GPHN: variants seen among roughly 807,000 people sequenced by gnomAD.
GPHN encodes gephyrin.
In GPHN, 17 loss-of-function variants were observed where a neutral mutation model predicts 95.5. That is an observed-to-expected ratio of 0.18 (90% CI 0.12 to 0.27). The LOEUF (loss-of-function observed/expected upper bound fraction) is 0.27. Ranked by LOEUF, GPHN falls within the 10% of genes least tolerant of loss-of-function variation. The pLI is 1.00. For missense variants in GPHN, 660 were observed against 978.1 expected (o/e 0.67, Z 4.34); for synonymous variants, 320 against 322.5 (o/e 0.99, Z 0.08).
intron 1 of GPHN, among the ~76,000 whole-genome samples, chr14:66,671,245 G>T (rs546070121): frequency 6.6e-6 from 1 of 152,256 alleles, no homozygotes; most frequent in African/African-American, 2.4e-5. Flanking sequence ...TCGTGCCTTT[G>T]AGCGTGTCAT....
chr14:67,074,590 A>G (rs1034404579), intron 11 of GPHN, among the ~76,000 whole-genome samples: 1 of 152,158 alleles, frequency 6.6e-6, no homozygotes, highest in African/African-American at 2.4e-5. Context: ...AGGAAAAATT[A>G]CATGTCTCTC....
At chr14:66,883,843 A>G (rs2064047843) in intron 5 of GPHN, among the ~76,000 whole-genome samples, 1 of 152,004 alleles carries the variant, frequency 6.6e-6, no homozygotes, top group Non-Finnish European at 1.5e-5. Context: ...TCTTGTACTT[A>G]TTTTATACTG....
intron 2 of GPHN, among the ~76,000 whole-genome samples, chr14:66,739,218 CTTTT>C (rs540067795): frequency 7.4e-6 from 1 of 134,632 alleles, no homozygotes. Context: ...TTTCTTACAG[CTTTT>C]TTTTTTTTTT....
the GPHN span, chr14:67,411,925 G>A: frequency 4.6e-5 from 55 of 1,185,196 alleles, no homozygotes; most frequent in Non-Finnish European, 6.3e-5. Context: ...ACCAGAGCAT[G>A]CCCGTTCCGG....
chr14:66,649,979 C>T (rs530136547), intron 1 of GPHN, among the ~76,000 whole-genome samples: 1 of 152,038 alleles, frequency 6.6e-6, no homozygotes, highest in South Asian at 2.1e-4. Flanking sequence ...TTTTGGTAAA[C>T]CCACCAGCTA....
the GPHN span, among the ~76,000 whole-genome samples, chr14:67,669,690 T>C: frequency 3.3e-5 from 5 of 152,204 alleles, no homozygotes; most frequent in African/African-American, 7.2e-5. Context: ...TCTCCTCTTA[T>C]GTTTCTTACT....
the GPHN span, among the ~76,000 whole-genome samples, chr14:67,682,497 T>C: frequency 6.6e-6 from 1 of 151,954 alleles, no homozygotes; most frequent in African/African-American, 2.4e-5. Flanking sequence ...AAAAAGCGCA[T>C]GAAAGAATGT....
chr14:67,597,749 A>G, the GPHN span, among the ~76,000 whole-genome samples: 1 of 123,756 alleles, frequency 8.1e-6, no homozygotes, highest in African/African-American at 2.9e-5. Flanking sequence ...ATAAGTGCCA[A>G]AAGAAAAGTT....
chr14:67,473,840 T>C, the GPHN span: 21 of 1,613,290 alleles, frequency 1.3e-5, no homozygotes, highest in Admixed American at 3.3e-5. The surrounding 1 kb of genome is among the most constrained non-coding windows in gnomAD (Gnocchi z 6.5). Context: ...CCCAGGCCGC[T>C]GTGAACATCA....
chr14:67,415,585 G>A, the GPHN span, among the ~76,000 whole-genome samples: 7 of 152,164 alleles, frequency 4.6e-5, no homozygotes, highest in African/African-American at 1.2e-4. Flanking sequence ...CACCAGCAGC[G>A]TATGACAATG....
chr14:67,713,397 C>CAAAAAAA, the GPHN span, among the ~76,000 whole-genome samples: 1 of 47,630 alleles, frequency 2.1e-5, no homozygotes, highest in Non-Finnish European at 4.1e-5. Context: ...AGTAAAACTC[C>CAAAAAAA]AAAAAAAAAA....
At chr14:66,997,259 C>T (rs1397241877) in intron 9 of GPHN, among the ~76,000 whole-genome samples, 4 of 151,242 alleles carry the variant, frequency 2.6e-5, no homozygotes, top group African/African-American at 7.3e-5. Flanking sequence ...CCCAGCTACT[C>T]GAGAGGCTGA....
intron 16 of GPHN, among the ~76,000 whole-genome samples, chr14:67,116,280 G>T (rs892547529): frequency 1.5e-5 from 2 of 132,492 alleles, no homozygotes; most frequent in African/African-American, 5.5e-5. Context: ...AAAAGAAAAA[G>T]AAAGAAAGAA....
At chr14:67,729,045 C>T in the GPHN span, 4 of 827,766 alleles carry the variant, frequency 4.8e-6, no homozygotes, top group African/African-American at 5.0e-5. Flanking sequence ...GTTCAAATTC[C>T]GCCTGGCCAG....
the GPHN span, among the ~76,000 whole-genome samples, chr14:67,536,050 G>A: frequency 5.3e-5 from 8 of 152,216 alleles, no homozygotes; most frequent in Non-Finnish European, 8.8e-5. Context: ...CAGTGCCAGA[G>A]CATGGGATCT....
chr14:67,397,529 G>T, the GPHN span: 1 of 703,088 alleles, frequency 1.4e-6, no homozygotes, highest in Non-Finnish European at 2.3e-6. Context: ...ATGTGGCGGA[G>T]CCAGGATTTG....
At chr14:67,466,290 G>T in the GPHN span, among the ~76,000 whole-genome samples, 2 of 152,338 alleles carry the variant, frequency 1.3e-5, no homozygotes, top group South Asian at 2.1e-4. Context: ...GCACTAAAAG[G>T]CTACCTTTGC....
chr14:67,172,145 A>G (rs933199434), intron 21 of GPHN, among the ~76,000 whole-genome samples: 10 of 152,116 alleles, frequency 6.6e-5, no homozygotes, highest in South Asian at 2.1e-4. Context: ...TTCATCCCCA[A>G]TGCTACCCCA....
At chr14:67,185,259 TA>T (rs2083362608), downstream of GPHN, among the ~76,000 whole-genome samples, 1 of 152,066 alleles carries the variant, frequency 6.6e-6, no homozygotes, top group Admixed American at 6.5e-5. Context: ...AGTAGTATCC[TA>T]AAAGGAGAAA....
Sources: gnomAD v4.1 joint callset for allele counts (sites outside exome capture counted in the v4.1 genomes callset) on GRCh38, gnomAD v4.1.1 for gene constraint, Gnocchi (gnomAD v3.1) non-coding constraint, MANE v1.5 for transcripts, NCBI Gene and HGNC (gene_info 2026-07-23, HGNC 2026-07-21) for gene names.